The following CMIP variants were observed in gnomAD, a reference collection of about 807,000 sequenced individuals.
CMIP encodes the protein c-Maf inducing protein.
CMIP carries 13 observed loss-of-function variants against 97.3 expected under a neutral mutation model. That is an observed-to-expected ratio of 0.13 (90% CI 0.09 to 0.21). CMIP has a LOEUF of 0.21. Ranked by LOEUF, CMIP falls within the 10% of genes least tolerant of loss-of-function variation. The probability of loss-of-function intolerance (pLI) is 1.00; values close to 1 mark genes in which losing one functional copy is unlikely to be tolerated. For synonymous variants in CMIP, 538 were observed against 436.3 expected, an observed-to-expected ratio of 1.23 and a Z score of -2.91; for missense variants, 847 against 1,024.9, an observed-to-expected ratio of 0.83 and a Z score of 2.37.
chr16:81,606,500 G>A (rs373566769), intron 1 of CMIP, among the ~76,000 whole-genome samples: 6 of 152,148 alleles, frequency 3.9e-5, no homozygotes, highest in East Asian at 1.9e-4. Context: ...GTGCCTTCTC[G>A]GGACAGCAAG....
intron 3 of CMIP, among the ~76,000 whole-genome samples, chr16:81,644,563 G>T (rs559442469): frequency 6.6e-6 from 1 of 152,336 alleles, no homozygotes; most frequent in African/African-American, 2.4e-5. Flanking sequence ...ATGCTCACCG[G>T]ATTGAAGGGA....
chr16:81,445,182 G>GC lies in CMIP; in HGVS notation c.-56dup, dbSNP rs1187121850. The GC allele has an allele frequency of 1.8e-6, 2 of 1,136,080 alleles. No individual in the cohort carries two copies. Among genetic ancestry groups the GC allele is most frequent in the Non-Finnish European group, 2.3e-6 (2 of 872,908 alleles). The allele number at this position is 1,136,080 out of a possible 1,614,324, so 70.4% of individuals were successfully genotyped here. A position where few individuals can be genotyped will look rare whatever the true frequency, so the allele number is the denominator to read the frequency against. On this transcript the variant is annotated 5_prime_UTR_variant, in exon 1 of 21. Transcript: ENST00000537098. ...GGCCGCCGGATCCGGGGGCCCCGCC[G>GC]CCCCAGCAGCCCAGGACAGCCCCCT...
rs181333280 is a variant in CMIP at position 81,449,739 on chromosome 16, A to G, written c.300+4198A>G. Among the ~76,000 whole-genome samples the G allele has an allele frequency of 5.9e-5, 9 of 151,964 alleles. No individual in the cohort carries two copies. In the East Asian group the frequency reaches 1.5e-3, roughly 26 times the overall value. ...GTGTATCAAAATTGTTTCCTAGACA[A>G]CTTGTCTGATTGGAGGTGGTGGAGG... On this transcript the variant is annotated intron_variant, in intron 1 of 20. Transcript: ENST00000537098.
chr16:81,660,901 G>A lies in CMIP; in HGVS notation c.699G>A (p.Leu233=). ...TGTTTCAGGCAATCGCTCCTTTGCT[G>A]GAAAACAACCACCCACCACCAGATC... ...ENIIVAIAPL[L]ENNHPPPDLC... Residue 233 remains leucine (L), a synonymous_variant, in exon 6 of 21, where the codon CTG becomes CTA. Transcript: ENST00000537098. 6.2e-7 allele frequency: 1 copy of A among 1,613,954 alleles called. No homozygotes were observed. The highest frequency in any genetic ancestry group is 8.5e-7 in the Non-Finnish European group (1 of 1,179,884).
At chr16:81,493,351 CGTT>C in intron 1 of CMIP, among the ~76,000 whole-genome samples, 1 of 79,716 alleles carries the variant, frequency 1.3e-5, no homozygotes, top group African/African-American at 5.2e-5. Context: ...TCACCCTCCG[CGTT>C]ACCTGTCGTT....
At chr16:81,582,390 T>G (rs1388893299) in intron 1 of CMIP, among the ~76,000 whole-genome samples, 1 of 152,142 alleles carries the variant, frequency 6.6e-6, no homozygotes, top group African/African-American at 2.4e-5. Context: ...AAGCCACTTA[T>G]CAGACTGAGC....
intron 1 of CMIP, among the ~76,000 whole-genome samples, chr16:81,545,732 G>A (rs949590892): frequency 1.3e-5 from 2 of 152,148 alleles, no homozygotes; most frequent in Non-Finnish European, 2.9e-5. Context: ...TCCAAATGAT[G>A]GTGGTTTTCA....
chr16:81,647,778 G>A (rs1567632271), intron 3 of CMIP, among the ~76,000 whole-genome samples: 2 of 152,028 alleles, frequency 1.3e-5, no homozygotes, highest in Non-Finnish European at 2.9e-5. Context: ...TGTCACCTAG[G>A]GAGGAGGGAC....
In CMIP at chr16:81,703,993, C is replaced by G; in HGVS notation, c.1999C>G (p.Leu667Val). The G allele has an allele frequency of 2.5e-6, 4 of 1,602,768 alleles. No homozygotes were observed. Among genetic ancestry groups the G allele is most frequent in the Non-Finnish European group, 3.4e-6 (4 of 1,175,542 alleles). The change falls in exon 18 of 21, where the codon CTC (leucine) becomes GTC (valine). Residue 667 changes from leucine to valine, a missense_variant. Physicochemically the swap from Leu to Val is conservative, Grantham distance 32. Transcript: ENST00000537098. ...SSGSFGNLEN[L>V]SLAFTNVTSA... Reference sequence around the variant, plus strand: ...CGGCTCCTTCGGAAACCTGGAGAACCTCAGTTTGGCCTTCACCAATGTAAC... The same window carrying G: ...CGGCTCCTTCGGAAACCTGGAGAACGTCAGTTTGGCCTTCACCAATGTAAC...
chr16:81,587,419 G>C (rs76626603), intron 1 of CMIP, among the ~76,000 whole-genome samples: 1,702 of 152,296 alleles, frequency 0.011, 35 homozygotes, highest in African/African-American at 0.039. Flanking sequence ...ATATGTACTC[G>C]GGGGCCTGTG....
chr16:81,576,710 A>G (rs1217273945), intron 1 of CMIP, among the ~76,000 whole-genome samples: 1 of 152,100 alleles, frequency 6.6e-6, no homozygotes, highest in East Asian at 1.9e-4. Context: ...CCTAGTGCAG[A>G]ACAGTGCTGA....
chr16:81,678,175 G>T, intron 9 of CMIP, 100 bp from the exon 10 acceptor site: 1 of 779,408 alleles, frequency 1.3e-6, no homozygotes, highest in Non-Finnish European at 2.0e-6. Flanking sequence ...ATTACATTTT[G>T]GCCTCATCCT....
chr16:81,667,863 C>G (rs1336958499), intron 7 of CMIP, among the ~76,000 whole-genome samples: 2 of 141,032 alleles, frequency 1.4e-5, no homozygotes, highest in Non-Finnish European at 3.0e-5. Context: ...CCAGTGCGTG[C>G]ATTTTTCTGA....
intron 14 of CMIP, among the ~76,000 whole-genome samples, chr16:81,699,021 T>G (rs771446004): frequency 6.6e-6 from 1 of 152,028 alleles, no homozygotes; most frequent in Non-Finnish European, 1.5e-5. Flanking sequence ...GGAAGCCGAG[T>G]TGGGTGGACC....
At chr16:81,531,524 C>A (rs2090235353) in intron 1 of CMIP, among the ~76,000 whole-genome samples, 1 of 152,184 alleles carries the variant, frequency 6.6e-6, no homozygotes, top group South Asian at 2.1e-4. Context: ...TTTTTCACAC[C>A]AGGCCGTCTC....
chr16:81,667,403 C>T (rs1211113940), intron 7 of CMIP: 3 of 152,166 alleles, frequency 2.0e-5, no homozygotes, highest in East Asian at 1.9e-4. Flanking sequence ...GCAAAGGAGG[C>T]GAGAAGACAC....
intron 2 of CMIP, chr16:81,610,202 A>G: frequency 2.2e-6 from 1 of 446,184 alleles, no homozygotes; most frequent in Non-Finnish European, 3.0e-6. Flanking sequence ...AAAGCAGAGA[A>G]GCAGTGCCTG....
chr16:81,661,485 G>C (rs2092545956), intron 6 of CMIP, among the ~76,000 whole-genome samples: 1 of 152,240 alleles, frequency 6.6e-6, no homozygotes, highest in African/African-American at 2.4e-5. Context: ...TTTGTTCTTT[G>C]CTGTGTGGTT....
intron 10 of CMIP, among the ~76,000 whole-genome samples, chr16:81,690,679 C>A (rs1219471455): frequency 2.0e-5 from 3 of 152,198 alleles, no homozygotes; most frequent in Admixed American, 6.5e-5. Context: ...TATCCCAGCA[C>A]TTTGGGAGGC....
Sources: gnomAD v4.1 joint callset for allele counts (sites outside exome capture counted in the v4.1 genomes callset) on GRCh38, gnomAD v4.1.1 for gene constraint, MANE v1.5 for transcripts, NCBI Gene and HGNC (gene_info 2026-07-23, HGNC 2026-07-21) for gene names.